The following SULF1 variants were observed in gnomAD, a reference collection of about 807,000 sequenced individuals.
SULF1 encodes extracellular sulfatase Sulf-1.
SULF1 carries 46 observed loss-of-function variants against 110.5 expected under a neutral mutation model. The ratio of observed to expected loss-of-function variants is 0.42; its 90% CI spans 0.33 to 0.53. The LOEUF (loss-of-function observed/expected upper bound fraction) is 0.53, where lower values mean the gene tolerates loss of function less well. Ranked by LOEUF, SULF1 falls within the 20% of genes least tolerant of loss-of-function variation. The pLI is 0.12. For missense variants in SULF1, 941 were observed against 1,094.2 expected, an observed-to-expected ratio of 0.86 and a Z score of 1.98; for synonymous variants, 371 against 387.1, an observed-to-expected ratio of 0.96 and a Z score of 0.49.
chr8:69,603,685 G>C, intron 12 of SULF1, 29 bp downstream of exon 12: 1 of 1,532,390 alleles, frequency 6.5e-7, no homozygotes. Context: ...GGTGCTTCTG[G>C]GAACCAGTCC....
chr8:69,475,623 G>A lies in SULF1; in HGVS notation c.-391+8673G>A, dbSNP rs879466246. On this transcript the variant is annotated intron_variant, in intron 1 of 22. Coordinates refer to the SULF1 transcript ENST00000260128. ...AGCTACTGAAAATGGAATTTCATTC[G>A]GCAACACAATACATTCCCAAAGTGA... Among the ~76,000 whole-genome samples, 7 of 151,988 alleles carry A rather than the reference G, an allele frequency of 4.6e-5. No individual in the cohort carries two copies. In the East Asian group the frequency reaches 1.3e-3, roughly 29 times the overall value.
chr8:69,595,426 A>G (rs1807230879), intron 8 of SULF1, among the ~76,000 whole-genome samples: 1 of 152,236 alleles, frequency 6.6e-6, no homozygotes, highest in South Asian at 2.1e-4. Flanking sequence ...ACCTCTAATC[A>G]AGATCATTTG....
At chr8:69,618,679 T>C (rs1019047286) in intron 13 of SULF1, among the ~76,000 whole-genome samples, 7 of 152,214 alleles carry the variant, frequency 4.6e-5, no homozygotes, top group African/African-American at 7.2e-5. Context: ...GGTTGTACCC[T>C]GATATGGCTT....
intron 1 of SULF1, among the ~76,000 whole-genome samples, chr8:69,476,323 G>C (rs1809297185): frequency 6.6e-6 from 1 of 151,710 alleles, no homozygotes. Context: ...TGTTTTATTT[G>C]TTTCAACCAT....
intron 3 of SULF1, among the ~76,000 whole-genome samples, chr8:69,541,645 A>T (rs1036930173): frequency 1.3e-5 from 2 of 152,256 alleles, no homozygotes; most frequent in African/African-American, 4.8e-5. Context: ...TTGTTCAAAT[A>T]GGGTACCACA....
Position 69,638,651 on chromosome 8 carries a change from C to A in SULF1, c.2427+7C>A, listed in dbSNP as rs753654927. On this transcript the variant is annotated splice_region_variant and intron_variant, in intron 20 of 22. Transcript: ENST00000402687. ...GAATACAGATCCTTATCAGGTAAGA[C>A]AATATATGTTCATTTTATGAAGGTT... is the stretch of plus-strand genomic sequence containing the variant. 6.2e-7 allele frequency: 1 copy of A among 1,612,282 alleles called. No individual in the cohort carries two copies. The highest frequency in any genetic ancestry group is 8.5e-7 in the Non-Finnish European group (1 of 1,179,466).
In SULF1 at chr8:69,627,289, G is replaced by A. The variant is rs768352394; in HGVS notation, c.1930G>A (p.Ala644Thr). The A allele has an allele frequency of 3.1e-6, 5 of 1,613,882 alleles. No individual in the cohort carries two copies. The Admixed American group carries it at 5.0e-5, about 16-fold the overall frequency. ...GGCCAGAGCGTGGAAGGACCATAAG[G>A]CATACATTGACAAAGAGGTTAGCCA... Reference protein sequence around the residue: ...QSARAWKDHKAYIDKEIEALQ... With the variant: ...QSARAWKDHKTYIDKEIEALQ... Residue 644 changes from alanine (A) to threonine (T), a missense_variant, in exon 16 of 23, where the codon GCA becomes ACA. Ala to Thr is a moderately conservative substitution (Grantham distance 58). Transcript: ENST00000402687.
intron 1 of SULF1, among the ~76,000 whole-genome samples, chr8:69,487,212 T>C (rs1809748625): frequency 6.6e-6 from 1 of 152,224 alleles, no homozygotes; most frequent in Non-Finnish European, 1.5e-5. Flanking sequence ...TACCAAGTAC[T>C]TTTTAATCCT....
At chr8:69,510,800 A>G (rs1811503784) in intron 3 of SULF1, among the ~76,000 whole-genome samples, 1 of 152,008 alleles carries the variant, frequency 6.6e-6, no homozygotes, top group African/African-American at 2.4e-5. Flanking sequence ...TATTTTTAGT[A>G]GAGATGGGGT....
chr8:69,512,940 A>G (rs888196744), intron 3 of SULF1, among the ~76,000 whole-genome samples: 2 of 152,196 alleles, frequency 1.3e-5, no homozygotes, highest in Admixed American at 1.3e-4. Flanking sequence ...TATTATTAAC[A>G]TCCAGAATTT....
At chr8:69,616,702 G>GTTTTTTT (rs35961171) in intron 13 of SULF1, among the ~76,000 whole-genome samples, 1 of 104,610 alleles carries the variant, frequency 9.6e-6, no homozygotes. Flanking sequence ...GTGCCCGGCC[G>GTTTTTTT]TTTTTTTTTT....
intron 6 of SULF1, among the ~76,000 whole-genome samples, chr8:69,582,401 A>G (rs1032477012): frequency 6.6e-6 from 1 of 152,198 alleles, no homozygotes; most frequent in Non-Finnish European, 1.5e-5. Flanking sequence ...GCTAATGGTG[A>G]TGCTAATAAC....
In SULF1 at chr8:69,627,852, C is replaced by T; in HGVS notation, c.2028C>T (p.Ser676=). 1.2e-6 allele frequency: 2 copies of T among 1,612,502 alleles called. No individual in the cohort carries two copies. Among genetic ancestry groups the T allele is most frequent in the Non-Finnish European group, 1.7e-6 (2 of 1,179,162 alleles). ...AGAGAAGGAAGCCTGAGGAATGTAG[C>T]TGCAGTAAACAAAGGTGAGCTTGTT... ...HLKRRKPEEC[S]CSKQSYYNKE... is the part of the protein sequence containing the mutation. Residue 676 remains serine, a synonymous_variant, in exon 17 of 23, where the codon AGC becomes AGT. Coordinates refer to ENST00000402687, the MANE Select transcript of SULF1 (RefSeq NM_001128205.2).
At chr8:69,503,799 T>C (rs1023139304) in intron 3 of SULF1, among the ~76,000 whole-genome samples, 5 of 142,652 alleles carry the variant, frequency 3.5e-5, no homozygotes, top group African/African-American at 1.2e-4. Flanking sequence ...CTTTCTTTCC[T>C]TTTTTTTTTC....
Position 69,624,186 on chromosome 8 carries a change from A to G in SULF1, c.1839A>G (p.Arg613=), listed in dbSNP as rs749688515. ...SNAVGPPTTV[R]VTHKCFILPN... ...CCGTGGGCCCACCTACCACTGTCCG[A>G]GTGACACACAAGTAAGAAAGCTTTA... Residue 613 remains arginine (R), a synonymous_variant, in exon 15 of 23, where the codon CGA becomes CGG. Transcript: ENST00000402687. The G allele has an allele frequency of 5.1e-5, 80 of 1,582,826 alleles. No homozygotes were observed. Among genetic ancestry groups the G allele is most frequent in the Non-Finnish European group, 6.4e-5 (74 of 1,163,220 alleles).
chr8:69,610,830 T>A (rs139257302), intron 13 of SULF1, among the ~76,000 whole-genome samples: 3,256 of 152,362 alleles, frequency 0.021, 120 homozygotes, highest in African/African-American at 0.075. Context: ...CTATGTTTCT[T>A]AAATGTTACA....
At chr8:69,552,041 G>A (rs952861045) in intron 3 of SULF1, among the ~76,000 whole-genome samples, 1 of 152,196 alleles carries the variant, frequency 6.6e-6, no homozygotes, top group Non-Finnish European at 1.5e-5. Flanking sequence ...GCAGTGAGCT[G>A]AGATCGCCGC....
chr8:69,634,874 C>A (rs1161451019), intron 19 of SULF1, among the ~76,000 whole-genome samples: 1 of 152,192 alleles, frequency 6.6e-6, no homozygotes, highest in Non-Finnish European at 1.5e-5. Context: ...ATGGTGCGAT[C>A]TTGGCTCACT....
At chr8:69,596,639 C>A (rs1345764201) in intron 8 of SULF1, among the ~76,000 whole-genome samples, 3 of 152,038 alleles carry the variant, frequency 2.0e-5, no homozygotes, top group Non-Finnish European at 4.4e-5. Context: ...CTTTGTGGGG[C>A]CTCTGGTTCA....
Sources: gnomAD v4.1 joint callset for allele counts (sites outside exome capture counted in the v4.1 genomes callset) on GRCh38, gnomAD v4.1.1 for gene constraint, MANE v1.5 for transcripts, NCBI Gene and HGNC (gene_info 2026-07-23, HGNC 2026-07-21) for gene names.